Variants in MAN1A1 observed in about 807,000 individuals in gnomAD.
MAN1A1 encodes mannosyl-oligosaccharide 1,2-alpha-mannosidase IA.
A neutral mutation model predicts 70.8 loss-of-function variants in MAN1A1; 29 were observed. The ratio of observed to expected loss-of-function variants is 0.41; its 90% confidence interval spans 0.31 to 0.56. The LOEUF is 0.56. Ranked by LOEUF, MAN1A1 falls within the 20% of genes least tolerant of loss-of-function variation. The pLI, the probability that MAN1A1 is intolerant of heterozygous loss-of-function variation, is 0.29. For missense variants in MAN1A1, 747 were observed against 841.3 expected (o/e 0.89, Z 1.39); for synonymous variants, 349 against 330.1 (o/e 1.06, Z -0.62).
intron 4 of MAN1A1, among the ~76,000 whole-genome samples, chr6:119,296,465 A>G (rs1772219310): frequency 6.6e-6 from 1 of 152,174 alleles, no homozygotes. Context: ...ATCTGCGCCC[A>G]TCAGGATGTA....
intron 11 of MAN1A1, among the ~76,000 whole-genome samples, chr6:119,183,676 G>A (rs1773212198): frequency 6.6e-6 from 1 of 152,074 alleles, no homozygotes; most frequent in Non-Finnish European, 1.5e-5. Flanking sequence ...TCCTTCTTTT[G>A]TTAGAGGAGT....
intron 5 of MAN1A1, among the ~76,000 whole-genome samples, chr6:119,285,122 A>G (rs1449929183): frequency 6.6e-6 from 1 of 150,618 alleles, no homozygotes; most frequent in Non-Finnish European, 1.5e-5. Flanking sequence ...AGGGGAAGGG[A>G]AAGGAGGTAG....
intron 5 of MAN1A1, among the ~76,000 whole-genome samples, chr6:119,278,201 A>T (rs1411957044): frequency 6.6e-6 from 1 of 151,386 alleles, no homozygotes; most frequent in Non-Finnish European, 1.5e-5. Context: ...AATTCACAGC[A>T]CCACAATCAA....
In MAN1A1 at chr6:119,178,361, G is replaced by C. The variant is rs1435284662; in HGVS notation, c.*1458C>G. 6.6e-6 allele frequency: 1 copy of C among 151,970 alleles called. No homozygotes were observed. Among genetic ancestry groups the C allele is most frequent in the Non-Finnish European group, 1.5e-5 (1 of 67,936 alleles). 9.4% of individuals were successfully genotyped at this position (151,970 alleles called of 1,614,324 possible). A position where few individuals can be genotyped will look rare whatever the true frequency, so the allele number is the denominator to read the frequency against. On this transcript the variant is annotated 3_prime_UTR_variant, in exon 13 of 13. Transcript: ENST00000368468. ...TTCATATGTTTCAGCCTAATCCATG[G>C]GGTTGTACTGATCTTTCTGACCATT... is the stretch of plus-strand genomic sequence containing the variant.
At chr6:119,180,588 C>G (rs1326838579) in intron 11 of MAN1A1, among the ~76,000 whole-genome samples, 161 bp from the exon 12 acceptor site, 1 of 151,836 alleles carries the variant, frequency 6.6e-6, no homozygotes, top group Non-Finnish European at 1.5e-5. Context: ...TCATGGGTCA[C>G]TGCAGCTTCT....
intron 5 of MAN1A1, among the ~76,000 whole-genome samples, chr6:119,264,535 C>T (rs1775696129): frequency 6.6e-6 from 1 of 152,150 alleles, no homozygotes; most frequent in Non-Finnish European, 1.5e-5. Flanking sequence ...ACAGCCAATT[C>T]CTGAACAAAT....
chr6:119,255,642 C>A (rs563527264), intron 5 of MAN1A1, among the ~76,000 whole-genome samples: 5 of 152,312 alleles, frequency 3.3e-5, no homozygotes, highest in Admixed American at 2.6e-4. Flanking sequence ...GATGAGGAAA[C>A]TGAAGTTCAG....
chr6:119,207,882 G>A (rs533995922), intron 6 of MAN1A1, among the ~76,000 whole-genome samples: 4 of 152,166 alleles, frequency 2.6e-5, no homozygotes, highest in East Asian at 1.9e-4. Flanking sequence ...GGCCAAAAAC[G>A]AATTTTATCT....
chr6:119,183,529 C>T (rs1449231650), intron 11 of MAN1A1, among the ~76,000 whole-genome samples: 1 of 152,066 alleles, frequency 6.6e-6, no homozygotes, highest in Non-Finnish European at 1.5e-5. Context: ...AACCCTATTT[C>T]CGGATATTTC....
upstream of MAN1A1, among the ~76,000 whole-genome samples, chr6:119,350,175 G>C (rs1316577911): frequency 6.6e-6 from 1 of 152,232 alleles, no homozygotes; most frequent in Non-Finnish European, 1.5e-5. Context: ...GACCCGTGCG[G>C]GGCGGTCGGG....
chr6:119,278,851 G>A (rs1456930135), intron 5 of MAN1A1, among the ~76,000 whole-genome samples: 2 of 152,026 alleles, frequency 1.3e-5, no homozygotes, highest in African/African-American at 4.8e-5. Flanking sequence ...CATGTCACAT[G>A]CCTGCTCCCC....
intron 2 of MAN1A1, among the ~76,000 whole-genome samples, chr6:119,307,432 T>C (rs943099423): frequency 4.6e-5 from 7 of 152,202 alleles, no homozygotes; most frequent in African/African-American, 1.7e-4. Context: ...AGACAAATAT[T>C]CAGGTTATCC....
At chr6:119,261,121 GGCGCCT>G (rs1775600249) in intron 5 of MAN1A1, among the ~76,000 whole-genome samples, 1 of 151,764 alleles carries the variant, frequency 6.6e-6, no homozygotes, top group South Asian at 2.1e-4. Context: ...TGGGACTACA[GGCGCCT>G]GCCACCATGC....
At chr6:119,205,760 A>G (rs979257227) in intron 6 of MAN1A1, among the ~76,000 whole-genome samples, 1 of 152,226 alleles carries the variant, frequency 6.6e-6, no homozygotes, top group Non-Finnish European at 1.5e-5. Flanking sequence ...TTCTCCTAAT[A>G]AATTCCCTTT....
At chr6:119,204,602 T>C (rs1773806651) in intron 7 of MAN1A1, among the ~76,000 whole-genome samples, 157 bp downstream of exon 7, 1 of 152,242 alleles carries the variant, frequency 6.6e-6, no homozygotes, top group Admixed American at 6.5e-5. Context: ...AGGTTTACAG[T>C]TTGGCTAAAT....
At chr6:119,301,056 CT>C (rs1453503658) in intron 4 of MAN1A1, among the ~76,000 whole-genome samples, 6 of 152,176 alleles carry the variant, frequency 3.9e-5, no homozygotes, top group African/African-American at 7.2e-5. Flanking sequence ...CAGGGAAATT[CT>C]CTTTGTCCAC....
At chr6:119,263,327 CCTAA>C (rs1171744786) in intron 5 of MAN1A1, among the ~76,000 whole-genome samples, 4 of 151,884 alleles carry the variant, frequency 2.6e-5, no homozygotes, top group Admixed American at 2.0e-4. Flanking sequence ...CTAAGAGCGC[CCTAA>C]CTAATACAAT....
intron 2 of MAN1A1, among the ~76,000 whole-genome samples, chr6:119,322,494 C>T (rs1199985706): frequency 6.6e-6 from 1 of 152,046 alleles, no homozygotes; most frequent in Non-Finnish European, 1.5e-5. Context: ...TCTTTGGGAC[C>T]CTCTAGTCAC....
intron 6 of MAN1A1, 98 bp from the exon 7 acceptor site, chr6:119,204,980 C>A: frequency 7.9e-7 from 1 of 1,265,340 alleles, no homozygotes; most frequent in South Asian, 1.5e-5. Context: ...TAAAAAAAGG[C>A]ATCCTAGCTA....
Sources: allele counts gnomAD v4.1 joint callset (sites outside exome capture counted in the v4.1 genomes callset), GRCh38; gene constraint gnomAD v4.1.1; transcripts MANE v1.5; gene names NCBI Gene and HGNC (gene_info 2026-07-23, HGNC 2026-07-21).